Variants in RNF111 observed in about 807,000 individuals in gnomAD.
The protein encoded by RNF111 is E3 ubiquitin-protein ligase Arkadia.
A neutral mutation model predicts 95.1 loss-of-function variants in RNF111; 17 were observed. The observed-to-expected ratio is 0.18, with a 90% CI of 0.12 to 0.27. RNF111 has a LOEUF of 0.27. Among genes scored for constraint, RNF111 ranks in the 10% least tolerant of loss-of-function variants. RNF111 has a pLI of 1.00. For synonymous variants in RNF111, 440 were observed against 414.8 expected, an observed-to-expected ratio of 1.06 and a Z score of -0.74; for missense variants, 1,189 against 1,210.4, an observed-to-expected ratio of 0.98 and a Z score of 0.26.
intron 2 of RNF111, among the ~76,000 whole-genome samples, chr15:59,043,222 T>A (rs1301354713): frequency 6.6e-6 from 1 of 151,890 alleles, no homozygotes; most frequent in African/African-American, 2.4e-5. Flanking sequence ...TGGTGCGATC[T>A]CCGCTCACTG....
At chr15:59,053,634 C>G (rs1240942227) in intron 3 of RNF111, among the ~76,000 whole-genome samples, 1 of 152,152 alleles carries the variant, frequency 6.6e-6, no homozygotes, top group African/African-American at 2.4e-5. Context: ...CTGAGTAAAA[C>G]TGAAAACCAG....
chr15:59,040,366 T>G (rs1231745447), intron 2 of RNF111, among the ~76,000 whole-genome samples: 1 of 152,156 alleles, frequency 6.6e-6, no homozygotes, highest in Non-Finnish European at 1.5e-5. Flanking sequence ...TGGCCTCAAC[T>G]TATCCTACCA....
intron 1 of RNF111, among the ~76,000 whole-genome samples, chr15:58,995,963 C>T (rs2039053515): frequency 6.6e-6 from 1 of 151,856 alleles, no homozygotes; most frequent in Admixed American, 6.6e-5. Flanking sequence ...TGCATCAGGA[C>T]ATCGCTAGGA....
intron 1 of RNF111, among the ~76,000 whole-genome samples, chr15:59,019,809 A>C (rs1358568764): frequency 1.3e-5 from 2 of 152,112 alleles, no homozygotes; most frequent in Non-Finnish European, 2.9e-5. Context: ...AAATACAAAA[A>C]TTAGCCAGGT....
At chr15:59,050,354 G>C (rs2041925127) in intron 2 of RNF111, 1 of 152,760 alleles carries the variant, frequency 6.5e-6, no homozygotes. Flanking sequence ...ACAAATTGGA[G>C]GTGCCTCTTC....
intron 1 of RNF111, among the ~76,000 whole-genome samples, chr15:59,026,963 C>A (rs1216101964): frequency 1.3e-5 from 2 of 152,100 alleles, no homozygotes; most frequent in South Asian, 2.1e-4. Flanking sequence ...CTAAACTGAT[C>A]AAAAATCAGA....
At chr15:59,036,903 C>T (rs890793007) in intron 2 of RNF111, among the ~76,000 whole-genome samples, 11 of 151,960 alleles carry the variant, frequency 7.2e-5, no homozygotes, top group Non-Finnish European at 1.2e-4. Flanking sequence ...AATTATGACT[C>T]GCTGCAGCCT....
At chr15:59,061,016 C>T in intron 5 of RNF111, among the ~76,000 whole-genome samples, 1 of 152,060 alleles carries the variant, frequency 6.6e-6, no homozygotes. Context: ...ACACTGGCCT[C>T]AGTCTCCTGG....
At chr15:59,053,234 A>T (rs1200959448) in intron 3 of RNF111, among the ~76,000 whole-genome samples, 1 of 152,208 alleles carries the variant, frequency 6.6e-6, no homozygotes, top group African/African-American at 2.4e-5. Flanking sequence ...ACTGGAAAAG[A>T]CATTGCCCTA....
At position 58,994,289 on chromosome 15, in the gene RNF111, T is replaced by C. The variant is rs575961918; in HGVS notation, c.-20+6221T>C. 2.1e-4 allele frequency among the ~76,000 whole-genome samples: 32 copies of C among 152,006 alleles called. No individual in the cohort carries two copies. The East Asian group carries it at 3.9e-3, about 18-fold the overall frequency. On this transcript the variant is annotated intron_variant, in intron 1 of 13. Transcript: ENST00000348370. ...CCTGACCTCAAGTAATCCTCCCGCC[T>C]TGGCCTCCCAAAGTGCTGGGATTAC...
At chr15:59,035,188 C>A (rs572866957) in intron 2 of RNF111, among the ~76,000 whole-genome samples, 1 of 152,284 alleles carries the variant, frequency 6.6e-6, no homozygotes, top group South Asian at 2.1e-4. Flanking sequence ...TGAATTATGT[C>A]CACCTGGCCC....
At position 59,066,825 on chromosome 15, in the gene RNF111, G is replaced by A. The variant is rs2042678191; in HGVS notation, c.1428G>A (p.Arg476=). 1.2e-6 allele frequency: 2 copies of A among 1,613,844 alleles called. No individual in the cohort carries two copies. Among genetic ancestry groups the A allele is most frequent in the Non-Finnish European group, 1.7e-6 (2 of 1,179,996 alleles). Residue 476 remains arginine (R), a synonymous_variant, in exon 6 of 14, where the codon AGG becomes AGA. Transcript: ENST00000348370. ...VTETGPPAMP[R]LPSCCPQHSP... is the part of the protein sequence containing the mutation. ...AAACTGGCCCTCCTGCAATGCCAAG[G>A]TTACCTTCCTGCTGTCCCCAGCACT...
At chr15:59,091,241 AATGAC>A in intron 12 of RNF111, 87 bp downstream of exon 12, 1 of 710,862 alleles carries the variant, frequency 1.4e-6, no homozygotes. Context: ...AGACTCTAGC[AATGAC>A]ATTTTTATTG....
chr15:59,078,351 G>A (rs1427115603), intron 7 of RNF111, among the ~76,000 whole-genome samples: 13 of 152,076 alleles, frequency 8.5e-5, no homozygotes, highest in Admixed American at 8.5e-4. Flanking sequence ...TTATTTAAAA[G>A]TTTTACTATC....
intron 1 of RNF111, among the ~76,000 whole-genome samples, chr15:58,996,147 T>C (rs182798222): frequency 6.6e-6 from 1 of 152,180 alleles, no homozygotes; most frequent in Non-Finnish European, 1.5e-5. Context: ...TGAGAAAAAA[T>C]TGTGTGTGTA....
At position 59,092,572 on chromosome 15, in the gene RNF111, G is replaced by T. The variant is rs1220145947; in HGVS notation, c.2775G>T (p.Gly925=). 6.2e-7 allele frequency: 1 copy of T among 1,612,976 alleles called. No individual in the cohort carries two copies. The highest frequency in any genetic ancestry group is 8.5e-7 in the Non-Finnish European group (1 of 1,179,144). Reference sequence around the variant, plus strand: ...ACTGCAAACAAGATGGGGAAGAAGGGACTGAGGAAGACACAGAGGAAAAAT... The same window carrying T: ...ACTGCAAACAAGATGGGGAAGAAGGTACTGAGGAAGACACAGAGGAAAAAT... ...KLHCKQDGEE[G]TEEDTEEKCT... The change falls in exon 13 of 14, where the codon GGG becomes GGT. Residue 925 remains glycine (G), a synonymous_variant. Coordinates refer to ENST00000348370, the MANE Select transcript of RNF111 (RefSeq NM_017610.8).
chr15:59,054,229 G>C (rs1281895646), intron 3 of RNF111, among the ~76,000 whole-genome samples: 5 of 152,112 alleles, frequency 3.3e-5, no homozygotes, highest in Non-Finnish European at 5.9e-5. Context: ...GAGCCACCAC[G>C]CCTGGCCTGG....
intron 1 of RNF111, among the ~76,000 whole-genome samples, chr15:58,995,294 A>T (rs1356256594): frequency 1.3e-5 from 2 of 152,156 alleles, no homozygotes; most frequent in Non-Finnish European, 2.9e-5. Flanking sequence ...ACATTCTTTT[A>T]TAAGGAAGAG....
At chr15:59,004,186 GT>G in intron 1 of RNF111, 3 of 1,120,114 alleles carry the variant, frequency 2.7e-6, no homozygotes, top group South Asian at 1.8e-5. Flanking sequence ...TCTCAACTTT[GT>G]TTTTAGTTAT....
Sources: gnomAD v4.1 joint callset for allele counts (sites outside exome capture counted in the v4.1 genomes callset) on GRCh38, gnomAD v4.1.1 for gene constraint, MANE v1.5 for transcripts, NCBI Gene and HGNC (gene_info 2026-07-23, HGNC 2026-07-21) for gene names.